Variants in ANK2 observed in about 807,000 individuals in gnomAD.
ANK2 encodes ankyrin-2.
Under a neutral mutation model 360.5 loss-of-function variants are expected in ANK2, and 83 were observed. The observed-to-expected ratio is 0.23, with a 90% CI of 0.19 to 0.28. ANK2 has a LOEUF of 0.28. Ranked by LOEUF, ANK2 falls within the 10% of genes least tolerant of loss-of-function variation. The probability of loss-of-function intolerance (pLI) is 1.00; values close to 1 mark genes in which losing one functional copy is unlikely to be tolerated. For synonymous variants in ANK2, 1,740 were observed against 1,759.5 expected (o/e 0.99, Z 0.28); for missense variants, 4,201 against 4,795.7 (o/e 0.88, Z 3.66).
At chr4:112,843,351 GC>G (rs1404460579) in intron 1 of ANK2, among the ~76,000 whole-genome samples, 1 of 152,102 alleles carries the variant, frequency 6.6e-6, no homozygotes, top group East Asian at 1.9e-4. Flanking sequence ...AGTACCCAAA[GC>G]TCCATTAAGA....
At chr4:112,879,501 C>T (rs1231502789) in intron 1 of ANK2, among the ~76,000 whole-genome samples, 2 of 152,238 alleles carry the variant, frequency 1.3e-5, no homozygotes, top group African/African-American at 4.8e-5. Context: ...GTGTTGATTC[C>T]TGACCCAATA....
intron 1 of ANK2, among the ~76,000 whole-genome samples, chr4:113,144,279 A>G (rs1158272476): frequency 6.6e-6 from 1 of 152,198 alleles, no homozygotes; most frequent in Non-Finnish European, 1.5e-5. Context: ...AGAGTTATTC[A>G]AAACCAGATT....
intron 1 of ANK2, among the ~76,000 whole-genome samples, chr4:113,082,800 T>G (rs1434403997): frequency 6.6e-6 from 1 of 152,216 alleles, no homozygotes; most frequent in African/African-American, 2.4e-5. Flanking sequence ...TAAAATGTGT[T>G]TGTATTTTCT....
intron 1 of ANK2, among the ~76,000 whole-genome samples, chr4:113,066,258 G>A (rs969929888): frequency 6.6e-6 from 1 of 152,130 alleles, no homozygotes; most frequent in African/African-American, 2.4e-5. Flanking sequence ...TTTGCAAGCC[G>A]ACCACAGGGG....
intron 13 of ANK2, among the ~76,000 whole-genome samples, chr4:113,260,527 T>C (rs1021180657): frequency 7.9e-5 from 12 of 152,210 alleles, no homozygotes; most frequent in African/African-American, 2.9e-4. Context: ...TTTTGTAAGG[T>C]AGGTCCTTCA....
intron 14 of ANK2, among the ~76,000 whole-genome samples, chr4:113,266,977 T>C (rs1394459188): frequency 6.6e-6 from 1 of 152,230 alleles, no homozygotes; most frequent in Non-Finnish European, 1.5e-5. Flanking sequence ...CATTGTGGTT[T>C]TGATTTGCAT....
At chr4:112,711,426 G>A in the ANK2 span, among the ~76,000 whole-genome samples, 1 of 152,190 alleles carries the variant, frequency 6.6e-6, no homozygotes, top group South Asian at 2.1e-4. Context: ...GGGAAGCTGA[G>A]GTGGGATGAT....
At chr4:112,880,072 T>TCACA (rs1415389368) in intron 1 of ANK2, among the ~76,000 whole-genome samples, 4 of 151,556 alleles carry the variant, frequency 2.6e-5, no homozygotes, top group Admixed American at 6.6e-5. Context: ...ACTCTCTCTC[T>TCACA]CTCACACACA....
At chr4:113,107,177 C>T (rs2093729925) in intron 1 of ANK2, among the ~76,000 whole-genome samples, 1 of 152,144 alleles carries the variant, frequency 6.6e-6, no homozygotes, top group Non-Finnish European at 1.5e-5. Flanking sequence ...CACATGCTCA[C>T]TGATTTTAAG....
intron 2 of ANK2, among the ~76,000 whole-genome samples, chr4:112,973,704 A>C (rs2040394226): frequency 6.6e-6 from 1 of 152,210 alleles, no homozygotes; most frequent in African/African-American, 2.4e-5. Context: ...ATGCAAGGCC[A>C]CTTCTAGCTA....
At chr4:113,372,490 C>CA in intron 43 of ANK2, 1 of 1,259,654 alleles carries the variant, frequency 7.9e-7, no homozygotes, top group Non-Finnish European at 1.1e-6. Flanking sequence ...TGAAGTCATT[C>CA]CTTAGCATGT....
intron 1 of ANK2, among the ~76,000 whole-genome samples, chr4:112,900,399 C>T (rs578242468): frequency 2.6e-5 from 4 of 152,208 alleles, no homozygotes; most frequent in African/African-American, 9.6e-5. Flanking sequence ...CGAACATGGT[C>T]TGTACATTGC....
chr4:113,278,039 C>A, intron 16 of ANK2, 104 bp downstream of exon 16: 1 of 1,083,794 alleles, frequency 9.2e-7, no homozygotes, highest in Non-Finnish European at 1.4e-6. Flanking sequence ...GTGAGAGCAA[C>A]TGATGAAACT....
chr4:112,750,557 G>A, the ANK2 span, among the ~76,000 whole-genome samples: 2 of 152,034 alleles, frequency 1.3e-5, no homozygotes, highest in South Asian at 4.1e-4. Flanking sequence ...TCCTGATCCA[G>A]ACCCAAGAGA....
At chr4:112,899,317 T>A (rs1180250747) in intron 1 of ANK2, among the ~76,000 whole-genome samples, 1 of 152,204 alleles carries the variant, frequency 6.6e-6, no homozygotes, top group Non-Finnish European at 1.5e-5. Flanking sequence ...ATTGCTTAAA[T>A]TTGTGTATTT....
Position 113,020,986 on chromosome 4 carries a change from A to G in ANK2, c.21+116472A>G, listed in dbSNP as rs989031568. On this transcript the variant is annotated intron_variant, in intron 2 of 30. Transcript: ENST00000503271. Reference sequence around the variant, plus strand: ...ATAAATGATTTTTCTTTCTTTTTAGACTTTTTCACAGATATTCATTTGTTA... The same window carrying G: ...ATAAATGATTTTTCTTTCTTTTTAGGCTTTTTCACAGATATTCATTTGTTA... Among the ~76,000 whole-genome samples, 3 of 152,130 alleles carry G rather than the reference A, an allele frequency of 2.0e-5. No homozygotes were observed. The East Asian group carries it at 5.8e-4, about 29-fold the overall frequency.
chr4:113,062,732 G>C (rs1349983683), intron 1 of ANK2, among the ~76,000 whole-genome samples: 1 of 152,090 alleles, frequency 6.6e-6, no homozygotes, highest in African/African-American at 2.4e-5. Flanking sequence ...GGCTGGCTAG[G>C]TCTTTCAGTA....
intron 1 of ANK2, among the ~76,000 whole-genome samples, chr4:113,154,217 A>C (rs1291523840): frequency 2.6e-5 from 4 of 152,216 alleles, no homozygotes; most frequent in African/African-American, 9.6e-5. Flanking sequence ...TTTAAACCAT[A>C]ACACTTAGAA....
At chr4:113,019,898 A>G (rs1388533510) in intron 2 of ANK2, among the ~76,000 whole-genome samples, 1 of 151,844 alleles carries the variant, frequency 6.6e-6, no homozygotes, top group African/African-American at 2.4e-5. Flanking sequence ...GGGATTACCT[A>G]TTATCTAACA....
Sources: allele counts gnomAD v4.1 joint callset (sites outside exome capture counted in the v4.1 genomes callset), GRCh38; gene constraint gnomAD v4.1.1; transcripts MANE v1.5; gene names NCBI Gene and HGNC (gene_info 2026-07-23, HGNC 2026-07-21).